Variants in CLN3 observed in about 807,000 individuals in gnomAD.
CLN3 encodes CLN3 lysosomal/endosomal transmembrane protein, battenin.
In CLN3, 49 loss-of-function variants were observed where a neutral mutation model predicts 60.7. The ratio of observed to expected loss-of-function variants is 0.81; its 90% CI spans 0.64 to 1.02. The LOEUF (loss-of-function observed/expected upper bound fraction) is 1.02, where lower values mean the gene tolerates loss of function less well. Among genes scored for constraint, CLN3 ranks in the 50% least tolerant of loss-of-function variants. The pLI is 0.00. For missense variants in CLN3, 516 were observed against 557.4 expected, an observed-to-expected ratio of 0.93 and a Z score of 0.75; for synonymous variants, 256 against 245.8, an observed-to-expected ratio of 1.04 and a Z score of -0.39.
intron 3 of CLN3, 131 bp downstream of exon 3, chr16:28,491,351 C>T (rs570804027): frequency 2.3e-6 from 3 of 1,330,522 alleles, no homozygotes; most frequent in Non-Finnish European, 2.1e-6. Flanking sequence ...GCCCCTGGGG[C>T]AAACCAGTGG....
intron 3 of CLN3, 125 bp downstream of exon 3, chr16:28,491,357 A>T: frequency 7.4e-7 from 1 of 1,355,418 alleles, no homozygotes; most frequent in Non-Finnish European, 1.0e-6. Context: ...GGGGCAAACC[A>T]GTGGATTCAG....
At chr16:28,477,082 G>C (rs1262018781), downstream of CLN3, 1 of 255,962 alleles carries the variant, frequency 3.9e-6, no homozygotes, top group East Asian at 1.0e-4. Flanking sequence ...GTTGCAGTGA[G>C]CCAAGATCAC....
chr16:28,486,324 C>A (rs752677783), intron 9 of CLN3, 23 bp downstream of exon 9: 3 of 1,611,412 alleles, frequency 1.9e-6, no homozygotes, highest in Non-Finnish European at 2.5e-6. Flanking sequence ...GACCCCTCTC[C>A]CTCCCGGCTC....
chr16:28,491,205 A>T (rs2141721185), intron 3 of CLN3: 4 of 473,248 alleles, frequency 8.5e-6, no homozygotes, highest in East Asian at 6.8e-5. Flanking sequence ...TTTTCTTTTT[A>T]AAAATATGTG....
At position 28,486,455 on chromosome 16, in the gene CLN3, C is replaced by T; in HGVS notation, c.569G>A (p.Gly190Glu). 1.2e-6 allele frequency: 2 copies of T among 1,613,206 alleles called. No individual in the cohort carries two copies. Among genetic ancestry groups the T allele is most frequent in the Non-Finnish European group, 1.7e-6 (2 of 1,179,770 alleles). The change falls in exon 9 of 16, where the codon GGA becomes GAA. Residue 190 changes from glycine to glutamate, a missense_variant. By Grantham distance (98) the Gly-to-Glu change is moderately conservative. Coordinates refer to ENST00000636147, the MANE Select transcript of CLN3 (RefSeq NM_001042432.2). ...VISWWSSGTG[G>E]AGLLGALSYL... is the part of the protein sequence containing the mutation. ...GGACAGGGCCCCCAGCAGCCCAGCT[C>T]CCCCAGTCCCTGAGGACCACCAGGA...
chr16:28,481,216 T>A (rs2046084812), intron 14 of CLN3, among the ~76,000 whole-genome samples: 1 of 152,012 alleles, frequency 6.6e-6, no homozygotes, highest in Non-Finnish European at 1.5e-5. Flanking sequence ...GTTCAAGTGA[T>A]CCTCCCACCT....
Position 28,491,727 on chromosome 16 carries a change from A to G in CLN3, c.33T>C (p.Phe11=), listed in dbSNP as rs1555469504. The change falls in exon 2 of 16, where the codon TTT becomes TTC. Residue 11 remains phenylalanine (F), a synonymous_variant. Coordinates refer to ENST00000636147, the MANE Select transcript of CLN3 (RefSeq NM_001042432.2). ...GGGAATACTCACCCTCGGAATCCGA[A>G]AAGCGCCGCCGCGAGCCTGCACAGC... MGGCAGSRRR[F]SDSEGEETVP... is the part of the protein sequence containing the mutation. 3 of 1,613,936 alleles carry G rather than the reference A, an allele frequency of 1.9e-6. No individual in the cohort carries two copies. The highest frequency in any genetic ancestry group is 3.3e-5 in the Admixed American group (2 of 59,990).
chr16:28,488,537 C>A, intron 5 of CLN3, 54 bp downstream of exon 5: 1 of 1,531,138 alleles, frequency 6.5e-7, no homozygotes, highest in Non-Finnish European at 9.0e-7. Flanking sequence ...GGAGTGGGGT[C>A]TATAGACCCA....
Position 28,481,259 on chromosome 16 carries a change from G to A in CLN3, c.1056+846C>T, listed in dbSNP as rs747073543. On this transcript the variant is annotated intron_variant, in intron 14 of 15. Transcript: ENST00000636147. ...CCAGTAGCTAAGACTACAGGTGTGC[G>A]CCACTGCACCTGGCTAATTTTTGTA... 1.4e-4 allele frequency among the ~76,000 whole-genome samples: 22 copies of A among 152,062 alleles called. 1 individual carries two copies. The highest frequency in any genetic ancestry group is 2.0e-4 in the Admixed American group (3 of 15,250).
At chr16:28,480,538 T>A (rs577422032) in intron 14 of CLN3, among the ~76,000 whole-genome samples, 2 of 152,208 alleles carry the variant, frequency 1.3e-5, no homozygotes, top group East Asian at 3.9e-4. Context: ...GTAGCTGAGA[T>A]GACAGGCAGG....
chr16:28,491,553 C>G lies in CLN3; in HGVS notation c.54G>C (p.Glu18Asp). The G allele has an allele frequency of 6.2e-7, 1 of 1,614,142 alleles. No individual in the cohort carries two copies. Among genetic ancestry groups the G allele is most frequent in the Non-Finnish European group, 8.5e-7 (1 of 1,180,042 alleles). The change falls in exon 3 of 16, where the codon GAG becomes GAC. Residue 18 changes from glutamate (E) to aspartate (D), a missense_variant. Coordinates refer to ENST00000636147, the MANE Select transcript of CLN3 (RefSeq NM_001042432.2). ...GAGGGAGCCGGGGCTCCGGGACGGTCTCCTCCCCTGGGAGAGCGAGAAGAG... is the reference window on the plus strand; with the variant it reads ...GAGGGAGCCGGGGCTCCGGGACGGTGTCCTCCCCTGGGAGAGCGAGAAGAG... ...RRRFSDSEGE[E>D]TVPEPRLPLL...
intron 3 of CLN3, among the ~76,000 whole-genome samples, chr16:28,490,709 G>A (rs1436824509): frequency 1.4e-5 from 2 of 145,348 alleles, no homozygotes; most frequent in South Asian, 2.2e-4. Context: ...GCAGTGAGCC[G>A]AGATTGCGCC....
chr16:28,491,861 C>T, intron 1 of CLN3, 26 bp from the exon 2 acceptor site: 2 of 1,443,614 alleles, frequency 1.4e-6, no homozygotes, highest in Non-Finnish European at 1.9e-6. Context: ...AGGATCAACG[C>T]CCGATTGCCG....
chr16:28,477,170 G>A (rs2046006852), downstream of CLN3: 3 of 338,210 alleles, frequency 8.9e-6, no homozygotes, highest in East Asian at 7.4e-5. Flanking sequence ...AACAAAAAAG[G>A]GAGAAATCTG....
intron 9 of CLN3, chr16:28,484,417 T>G (rs2046168633): frequency 5.1e-6 from 2 of 388,468 alleles, no homozygotes; most frequent in Non-Finnish European, 9.7e-6. Context: ...GGTGCAATCA[T>G]AGCTCACTGC....
intron 7 of CLN3, 108 bp from the exon 8 acceptor site, chr16:28,486,758 A>G: frequency 9.5e-7 from 1 of 1,058,186 alleles, no homozygotes; most frequent in South Asian, 1.4e-5. Context: ...TAGAGGCTCC[A>G]ATAGATCCCA....
intron 9 of CLN3, among the ~76,000 whole-genome samples, chr16:28,485,239 G>A (rs768972388): frequency 1.3e-5 from 2 of 149,990 alleles, no homozygotes; most frequent in Non-Finnish European, 3.0e-5. Context: ...CACCATGCCC[G>A]GCCAAAGTGT....
Position 28,477,386 on chromosome 16 carries a change from T to G in CLN3, c.*130A>C, listed in dbSNP as rs2046009701. The G allele has an allele frequency of 7.8e-7, 1 of 1,280,262 alleles. No homozygotes were observed. Among genetic ancestry groups the G allele is most frequent in the Non-Finnish European group, 1.1e-6 (1 of 898,262 alleles). The allele number at this position is 1,280,262 out of a possible 1,614,324, so 79.3% of individuals were successfully genotyped here. On this transcript the variant is annotated 3_prime_UTR_variant, in exon 16 of 16. Transcript: ENST00000636147. The stretch of plus-strand genomic sequence containing the variant: ...TGCAAGGGAAACAAGGCTTCAGCCC[T>G]TCCCTACTCCCAGACCTGCCGGGAA...
chr16:28,477,677 A>T, intron 15 of CLN3, 42 bp from the exon 16 acceptor site: 1 of 1,614,048 alleles, frequency 6.2e-7, no homozygotes, highest in Non-Finnish European at 8.5e-7. Context: ...AGTCCCAGAC[A>T]TCCCTGCCCT....
Sources: allele counts gnomAD v4.1 joint callset (sites outside exome capture counted in the v4.1 genomes callset), GRCh38; gene constraint gnomAD v4.1.1; transcripts MANE v1.5; gene names NCBI Gene and HGNC (gene_info 2026-07-23, HGNC 2026-07-21).